Variants in UPP2 observed in about 807,000 individuals in gnomAD.
UPP2 encodes uridine phosphorylase 2.
UPP2 carries 23 observed loss-of-function variants against 26.7 expected under a neutral mutation model. The ratio of observed to expected loss-of-function variants is 0.86; its 90% confidence interval spans 0.62 to 1.22. UPP2 has a LOEUF of 1.22. UPP2 is among the 50% of genes most tolerant of loss of function. The pLI is 0.00. For synonymous variants in UPP2, 127 were observed against 141.3 expected (o/e 0.90, Z 0.72); for missense variants, 387 against 396.7 (o/e 0.98, Z 0.21).
At chr2:158,029,550 T>C (rs1160415674) in intron 3 of UPP2, among the ~76,000 whole-genome samples, 3 of 152,196 alleles carry the variant, frequency 2.0e-5, no homozygotes, top group Admixed American at 2.0e-4. Flanking sequence ...TTCCTTGCCA[T>C]CAGTAGAGTG....
intron 2 of UPP2, among the ~76,000 whole-genome samples, chr2:158,012,824 TTAAAC>T (rs540648053): frequency 6.6e-6 from 1 of 152,132 alleles, no homozygotes; most frequent in East Asian, 1.9e-4. Flanking sequence ...TACATATACT[TTAAAC>T]AAAACAATAA....
At chr2:158,057,021 G>T (rs892176085) in intron 3 of UPP2, among the ~76,000 whole-genome samples, 3 of 152,026 alleles carry the variant, frequency 2.0e-5, no homozygotes, top group Non-Finnish European at 4.4e-5. Context: ...AAGATGTCCC[G>T]TTTTTTGGAA....
rs147251715 is a variant in UPP2, at chr2:158,065,737, A to G, written c.148-36303A>G. On this transcript the variant is annotated intron_variant, in intron 3 of 9. Transcript: ENST00000605860. ...ACTCTTCTGGAGAAAGAAGGTACCCATGTTCTCGATAGGCCTTTTGATGAT... is the reference window on the plus strand; with the variant it reads ...ACTCTTCTGGAGAAAGAAGGTACCCGTGTTCTCGATAGGCCTTTTGATGAT... 35 of 674,248 alleles carry G rather than the reference A, an allele frequency of 5.2e-5. No homozygotes were observed. The African/African-American group carries it at 5.5e-4, about 11-fold the overall frequency. 41.8% of individuals were successfully genotyped at this position (674,248 alleles called of 1,614,324 possible).
chr2:158,007,022 T>A (rs1683502006), intron 2 of UPP2, among the ~76,000 whole-genome samples: 1 of 152,326 alleles, frequency 6.6e-6, no homozygotes, highest in Non-Finnish European at 1.5e-5. Flanking sequence ...TTTGCCTCCC[T>A]GACTTTGACT....
At chr2:158,011,485 A>G (rs1321381351) in intron 2 of UPP2, among the ~76,000 whole-genome samples, 2 of 152,120 alleles carry the variant, frequency 1.3e-5, no homozygotes, top group African/African-American at 2.4e-5. Context: ...TTTGAAAAAA[A>G]GCTAGGGAAG....
intron 2 of UPP2, among the ~76,000 whole-genome samples, chr2:158,114,210 A>T (rs1344865564): frequency 6.6e-6 from 1 of 152,150 alleles, no homozygotes; most frequent in Non-Finnish European, 1.5e-5. Flanking sequence ...TTACTTCAGA[A>T]TCCGGGAGGA....
At chr2:158,126,753 G>A (rs1479162448) in intron 6 of UPP2, 1 of 152,152 alleles carries the variant, frequency 6.6e-6, no homozygotes, top group East Asian at 1.9e-4. Flanking sequence ...TGAAACAGAG[G>A]AAGTTAGAGA....
intron 6 of UPP2, among the ~76,000 whole-genome samples, chr2:158,125,661 C>A (rs1349601151): frequency 6.6e-6 from 1 of 152,100 alleles, no homozygotes; most frequent in East Asian, 1.9e-4. Context: ...ATCAAGTGAT[C>A]CACTTGCCTC....
At chr2:158,070,817 T>C (rs1430265161) in intron 3 of UPP2, among the ~76,000 whole-genome samples, 2 of 152,204 alleles carry the variant, frequency 1.3e-5, no homozygotes, top group African/African-American at 4.8e-5. Flanking sequence ...CTCTTCCCTA[T>C]TCCCCAGAGC....
chr2:158,126,443 A>C (rs1683696003), intron 6 of UPP2: 9 of 152,182 alleles, frequency 5.9e-5, no homozygotes, highest in Admixed American at 5.9e-4. Flanking sequence ...TTCTATCTGA[A>C]TGTCTTCATG....
rs562773236 is a variant in UPP2 at position 158,076,302 on chromosome 2, T to C, written c.148-25738T>C. Among the ~76,000 whole-genome samples the C allele has an allele frequency of 3.0e-4, 45 of 152,146 alleles. No homozygotes were observed. In the South Asian group the frequency reaches 3.5e-3, roughly 12 times the overall value. On this transcript the variant is annotated intron_variant, in intron 3 of 9. Transcript: ENST00000605860. ...TTCTAAAAAATAAAAGAGTAGAGAA[T>C]ACTTCCAAACTTATTCCATGAGGCC...
At chr2:158,101,735 C>A, upstream of UPP2, 1 of 591,118 alleles carries the variant, frequency 1.7e-6, no homozygotes, top group Non-Finnish European at 2.2e-6. Flanking sequence ...AAAGTTCTCA[C>A]CAATAGTTAA....
intron 3 of UPP2, among the ~76,000 whole-genome samples, chr2:158,045,594 G>C (rs1167884163): frequency 1.3e-5 from 2 of 152,180 alleles, no homozygotes; most frequent in African/African-American, 4.8e-5. Flanking sequence ...TCCACCTGGA[G>C]GTGCCATGTG....
intron 3 of UPP2, among the ~76,000 whole-genome samples, chr2:158,078,336 G>A (rs1005325141): frequency 1.3e-5 from 2 of 152,152 alleles, no homozygotes; most frequent in Admixed American, 6.6e-5. Context: ...GTACTCCTGT[G>A]TTTGTTGCAG....
At chr2:158,038,516 T>C (rs561301769) in intron 3 of UPP2, among the ~76,000 whole-genome samples, 13 of 152,374 alleles carry the variant, frequency 8.5e-5, no homozygotes, top group African/African-American at 2.9e-4. Context: ...TTTTGTATTA[T>C]GCAGCAACAG....
In UPP2 at chr2:158,027,287, T is replaced by C. The variant is rs144649088; in HGVS notation, c.147+11401T>C. Reference sequence around the variant, plus strand: ...CAAGCTGGTTACTTCCTAGATACAATGGGGGTACAGGTATTGGGTAAATAC... The same window carrying C: ...CAAGCTGGTTACTTCCTAGATACAACGGGGGTACAGGTATTGGGTAAATAC... On this transcript the variant is annotated intron_variant, in intron 3 of 9. Coordinates refer to the UPP2 transcript ENST00000605860. Among the ~76,000 whole-genome samples the C allele has an allele frequency of 5.1e-3, 771 of 152,076 alleles. 8 individuals carry two copies. The highest frequency in any genetic ancestry group is 0.018 in the African/African-American group (738 of 41,478).
intron 6 of UPP2, among the ~76,000 whole-genome samples, chr2:158,127,453 T>G (rs1683718325): frequency 6.7e-6 from 1 of 150,306 alleles, no homozygotes; most frequent in African/African-American, 2.5e-5. Flanking sequence ...ACTGAACGAG[T>G]GAGTGAATGA....
At chr2:158,132,184 G>A (rs562266156) in intron 6 of UPP2, among the ~76,000 whole-genome samples, 6 of 152,194 alleles carry the variant, frequency 3.9e-5, no homozygotes, top group Non-Finnish European at 5.9e-5. Context: ...ACTGAGTTTT[G>A]AATAAATAGG....
Position 158,068,528 on chromosome 2 carries a change from G to A in UPP2, c.148-33512G>A, listed in dbSNP as rs371935161. On this transcript the variant is annotated intron_variant, in intron 3 of 9. Transcript: ENST00000605860. ...GGAAAGTTTATGTATTACCTCCCCC[G>A]CTGTTCTGTTTGACTATGACAGAGA... Among the ~76,000 whole-genome samples the A allele has an allele frequency of 9.8e-4, 149 of 151,716 alleles. 4 individuals are homozygous for A. In the South Asian group the frequency reaches 0.025, roughly 26 times the overall value.
Sources: gnomAD v4.1 joint callset for allele counts (sites outside exome capture counted in the v4.1 genomes callset) on GRCh38, gnomAD v4.1.1 for gene constraint, MANE v1.5 for transcripts, NCBI Gene and HGNC (gene_info 2026-07-23, HGNC 2026-07-21) for gene names.